The following SSBP3 variants were observed in gnomAD, a reference collection of about 807,000 sequenced individuals.
The protein encoded by SSBP3 is single stranded DNA binding protein 3.
Under a neutral mutation model 69.6 loss-of-function variants are expected in SSBP3, and 5 were observed. The ratio of observed to expected loss-of-function variants is 0.07; its 90% CI spans 0.04 to 0.15. The LOEUF is 0.15. Ranked by LOEUF, SSBP3 falls within the 10% of genes least tolerant of loss-of-function variation. The probability of loss-of-function intolerance (pLI) is 1.00; values close to 1 mark genes in which losing one functional copy is unlikely to be tolerated. For synonymous variants in SSBP3, 196 were observed against 193.4 expected, an observed-to-expected ratio of 1.01 and a Z score of -0.11; for missense variants, 312 against 534.0, an observed-to-expected ratio of 0.58 and a Z score of 4.10.
At chr1:54,402,147 T>C (rs1183411857) in intron 3 of SSBP3, among the ~76,000 whole-genome samples, 1 of 152,202 alleles carries the variant, frequency 6.6e-6, no homozygotes, top group Non-Finnish European at 1.5e-5. Context: ...ATGGCAGTAA[T>C]AGTTCTTATA....
chr1:54,317,680 C>T (rs185992167), intron 4 of SSBP3, among the ~76,000 whole-genome samples: 7 of 152,238 alleles, frequency 4.6e-5, no homozygotes, highest in East Asian at 3.9e-4. Context: ...CTTTCCAAAA[C>T]GTGTCCAAAG....
At chr1:54,388,530 A>C (rs1203253582) in intron 4 of SSBP3, among the ~76,000 whole-genome samples, 1 of 152,262 alleles carries the variant, frequency 6.6e-6, no homozygotes, top group Non-Finnish European at 1.5e-5. Context: ...ATTAGGAAAG[A>C]AAGAAATCAT....
At chr1:54,398,157 C>T in intron 4 of SSBP3, among the ~76,000 whole-genome samples, 1 of 152,230 alleles carries the variant, frequency 6.6e-6, no homozygotes, top group Non-Finnish European at 1.5e-5. Flanking sequence ...TGCCCTTGGA[C>T]AAGCCACCTA....
intron 4 of SSBP3, among the ~76,000 whole-genome samples, chr1:54,328,863 G>A (rs562466407): frequency 2.2e-4 from 33 of 152,300 alleles, no homozygotes; most frequent in African/African-American, 7.9e-4. Context: ...CATCAGGAAC[G>A]CACCAGGCCC....
chr1:54,383,286 G>A (rs537572235), intron 4 of SSBP3, among the ~76,000 whole-genome samples: 5 of 152,004 alleles, frequency 3.3e-5, no homozygotes, highest in African/African-American at 4.8e-5. Context: ...GCTGAGGCAG[G>A]AGAATTTCTT....
intron 4 of SSBP3, among the ~76,000 whole-genome samples, chr1:54,358,719 A>G (rs1342578980): frequency 2.0e-5 from 3 of 152,164 alleles, no homozygotes; most frequent in African/African-American, 7.2e-5. Context: ...GCAAGAGAGG[A>G]TTGCAAGTGG....
intron 9 of SSBP3, among the ~76,000 whole-genome samples, chr1:54,245,906 C>T (rs765702753): frequency 3.8e-4 from 58 of 152,220 alleles, no homozygotes; most frequent in Non-Finnish European, 7.3e-4. Flanking sequence ...ACTGTGTGTG[C>T]ACTGCCTACA....
In SSBP3 at chr1:54,233,714, G is replaced by A. The variant is rs1386601357; in HGVS notation, c.928-4888C>T. On this transcript the variant is annotated intron_variant, in intron 14 of 17. Coordinates refer to ENST00000610401, the Ensembl canonical transcript of SSBP3. The stretch of plus-strand genomic sequence containing the variant: ...CAGCCGCCCCGTCTGGGAGGGAGGT[G>A]GGGGGGTCAGCCCCCCGCCCAGCCA... Among the ~76,000 whole-genome samples the A allele has an allele frequency of 9.4e-5, 14 of 148,508 alleles. No homozygotes were observed. The East Asian group carries it at 2.6e-3, about 28-fold the overall frequency.
rs185097074 is a variant in SSBP3 at position 54,342,801 on chromosome 1, A to G, written c.276+59060T>C. 6.3e-3 allele frequency among the ~76,000 whole-genome samples: 962 copies of G among 152,286 alleles called. 7 individuals carry two copies. Among genetic ancestry groups the G allele is most frequent in the Non-Finnish European group, 7.6e-3 (520 of 68,026 alleles). On this transcript the variant is annotated intron_variant, in intron 4 of 17. Transcript: ENST00000610401. ...GAAAGGCACCTGGCACACCCTGGGC[A>G]GGACCCTTCCCCGAGTCTCCCACAC...
At chr1:54,385,105 C>T (rs1264797886) in intron 4 of SSBP3, among the ~76,000 whole-genome samples, 2 of 152,174 alleles carry the variant, frequency 1.3e-5, no homozygotes, top group South Asian at 2.1e-4. Context: ...GAGCGCAGAT[C>T]CCTAGATGAG....
intron 4 of SSBP3, among the ~76,000 whole-genome samples, chr1:54,307,449 G>A (rs1645920883): frequency 6.6e-6 from 1 of 152,152 alleles, no homozygotes; most frequent in African/African-American, 2.4e-5. Context: ...CCCTTACTAT[G>A]CTGTGTTTAA....
At chr1:54,343,231 G>A (rs61776537) in intron 4 of SSBP3, among the ~76,000 whole-genome samples, 24 of 152,266 alleles carry the variant, frequency 1.6e-4, no homozygotes, top group Admixed American at 3.9e-4. Flanking sequence ...TCCTCGCTGC[G>A]TGTCAGGTGT....
chr1:54,256,972 G>T (rs1301974716), intron 7 of SSBP3, among the ~76,000 whole-genome samples, 155 bp downstream of exon 7: 1 of 152,106 alleles, frequency 6.6e-6, no homozygotes, highest in African/African-American at 2.4e-5. Flanking sequence ...GGGGACATGG[G>T]GCCCTCTCTG....
chr1:54,408,400 TC>T, upstream of SSBP3, among the ~76,000 whole-genome samples: 1 of 152,338 alleles, frequency 6.6e-6, no homozygotes, highest in East Asian at 1.9e-4. Context: ...GCCCTGGACT[TC>T]CTTCTATTTT....
At chr1:54,230,795 A>G (rs528298661) in intron 14 of SSBP3, among the ~76,000 whole-genome samples, 6 of 152,252 alleles carry the variant, frequency 3.9e-5, no homozygotes, top group African/African-American at 1.4e-4. Flanking sequence ...GGTTTCTTTC[A>G]CTTAGCATGT....
At chr1:54,277,801 G>A (rs1645317596) in intron 5 of SSBP3, among the ~76,000 whole-genome samples, 1 of 152,108 alleles carries the variant, frequency 6.6e-6, no homozygotes, top group South Asian at 2.1e-4. Context: ...TTAGGGCCAA[G>A]GAACTTAGAA....
chr1:54,270,345 T>C (rs919051330), intron 5 of SSBP3, among the ~76,000 whole-genome samples: 1 of 152,066 alleles, frequency 6.6e-6, no homozygotes, highest in South Asian at 2.1e-4. Context: ...AACACCTGCC[T>C]CCCAGCCTCG....
chr1:54,290,521 G>A (rs1190132634), intron 4 of SSBP3, among the ~76,000 whole-genome samples: 2 of 152,216 alleles, frequency 1.3e-5, no homozygotes, highest in Non-Finnish European at 2.9e-5. Flanking sequence ...CTTCTTAGTG[G>A]CCACCTTAGG....
At chr1:54,239,423 A>G (rs904150484) in intron 13 of SSBP3, among the ~76,000 whole-genome samples, 2 of 152,244 alleles carry the variant, frequency 1.3e-5, no homozygotes, top group African/African-American at 4.8e-5. Context: ...GACACGGCAC[A>G]GGGGGATTAC....
Sources: gnomAD v4.1 joint callset for allele counts (sites outside exome capture counted in the v4.1 genomes callset) on GRCh38, gnomAD v4.1.1 for gene constraint, MANE v1.5 for transcripts, NCBI Gene and HGNC (gene_info 2026-07-23, HGNC 2026-07-21) for gene names.